BPNT2: variants seen among roughly 807,000 people sequenced by gnomAD.
BPNT2 encodes Golgi-resident adenosine 3',5'-bisphosphate 3'-phosphatase.
BPNT2 carries 11 observed loss-of-function variants against 29.3 expected under a neutral mutation model. The ratio of observed to expected loss-of-function variants is 0.38; its 90% CI spans 0.24 to 0.62. The LOEUF (loss-of-function observed/expected upper bound fraction) is 0.62, where lower values mean the gene tolerates loss of function less well. Ranked by LOEUF, BPNT2 falls within the 20% of genes least tolerant of loss-of-function variation. The pLI, the probability that BPNT2 is intolerant of heterozygous loss-of-function variation, is 0.62. For synonymous variants in BPNT2, 195 were observed against 187.7 expected (o/e 1.04, Z -0.32); for missense variants, 459 against 473.4 (o/e 0.97, Z 0.28).
At chr8:56,987,583 G>A (rs894239004) in intron 1 of BPNT2, among the ~76,000 whole-genome samples, 1 of 152,026 alleles carries the variant, frequency 6.6e-6, no homozygotes, top group African/African-American at 2.4e-5. Flanking sequence ...TGCTTTCCTG[G>A]GTTTCCAGCT....
chr8:56,990,551 T>A (rs946420782), intron 1 of BPNT2, among the ~76,000 whole-genome samples: 1 of 152,058 alleles, frequency 6.6e-6, no homozygotes. Context: ...CTAGGTGAAA[T>A]CTGAGTTTTG....
chr8:56,975,169 G>A (rs1452955925), intron 3 of BPNT2, among the ~76,000 whole-genome samples: 2 of 152,020 alleles, frequency 1.3e-5, no homozygotes, highest in African/African-American at 4.8e-5. Flanking sequence ...GAGAACCGTG[G>A]TAAATGAGAG....
In BPNT2 at chr8:56,959,082, T is replaced by C. The variant is rs1042730748; in HGVS notation, c.*4711A>G. On this transcript the variant is annotated 3_prime_UTR_variant, in exon 5 of 5. Transcript: ENST00000262644. Reference sequence around the variant, plus strand: ...GAATTTTAAGGGAACATATTACTAATCAAATAACACAGTTTATGCTTTTTC... The same window carrying C: ...GAATTTTAAGGGAACATATTACTAACCAAATAACACAGTTTATGCTTTTTC... 2 of 152,234 alleles carry C rather than the reference T, an allele frequency of 1.3e-5. No homozygotes were observed. The highest frequency in any genetic ancestry group is 4.8e-5 in the African/African-American group (2 of 41,456). 9.4% of individuals were successfully genotyped at this position (152,234 alleles called of 1,614,324 possible).
At chr8:56,970,478 TG>T (rs1279010418) in intron 3 of BPNT2, among the ~76,000 whole-genome samples, 5 of 152,074 alleles carry the variant, frequency 3.3e-5, no homozygotes, top group Non-Finnish European at 5.9e-5. Flanking sequence ...ATCAATGTCA[TG>T]GGGGGCATAA....
chr8:56,969,142 T>G (rs1020596876), intron 3 of BPNT2, among the ~76,000 whole-genome samples: 1 of 152,222 alleles, frequency 6.6e-6, no homozygotes, highest in Non-Finnish European at 1.5e-5. Context: ...GACTCCTTGA[T>G]ACCAGACTTC....
chr8:56,973,636 A>G (rs1806072996), intron 3 of BPNT2, among the ~76,000 whole-genome samples: 2 of 152,218 alleles, frequency 1.3e-5, no homozygotes, highest in Admixed American at 6.5e-5. Context: ...ACACCACACC[A>G]GAGGATTAAC....
intron 1 of BPNT2, among the ~76,000 whole-genome samples, chr8:56,980,594 G>C (rs1034005611): frequency 4.7e-5 from 7 of 150,276 alleles, no homozygotes; most frequent in African/African-American, 1.5e-4. Flanking sequence ...GAAGAAAGAC[G>C]TATCATAGAA....
chr8:56,990,761 G>C (rs1806404392), intron 1 of BPNT2, among the ~76,000 whole-genome samples: 1 of 151,948 alleles, frequency 6.6e-6, no homozygotes, highest in Admixed American at 6.6e-5. Flanking sequence ...TGTCAGTTAG[G>C]GGACAAAACT....
At chr8:56,992,738 C>T (rs11784432) in intron 1 of BPNT2, among the ~76,000 whole-genome samples, 19,015 of 147,552 alleles carry the variant, frequency 0.13, 1,435 homozygotes, top group East Asian at 0.18. Context: ...ACAAATGCCC[C>T]GCACACTAAC....
rs1388437099 is a variant in BPNT2, at chr8:56,993,595, A to G, written c.-10T>C. On this transcript the variant is annotated 5_prime_UTR_variant, in exon 1 of 5. Coordinates refer to ENST00000262644, the MANE Select transcript of BPNT2 (RefSeq NM_017813.5). ...TGCCCATGGGGGCCATGGCGTGGGA[A>G]GCCGGGCGCTCCGGGCTGCGGCTCT... The G allele has an allele frequency of 7.0e-7, 1 of 1,421,116 alleles. No individual in the cohort carries two copies. The highest frequency in any genetic ancestry group is 9.2e-7 in the Non-Finnish European group (1 of 1,082,426). 88.0% of individuals were successfully genotyped at this position (1,421,116 alleles called of 1,614,324 possible). A position where few individuals can be genotyped will look rare whatever the true frequency, so the allele number is the denominator to read the frequency against.
Position 56,960,522 on chromosome 8 carries a change from ATATAG to A in BPNT2, c.*3266_*3270del, listed in dbSNP as rs1024456980. ...ACCAAAATGTTTTTGTTACTTCATTATATAGTATAAACAATCAACTGAATAATTAC... is the reference window on the plus strand; with the variant it reads ...ACCAAAATGTTTTTGTTACTTCATTATATAAACAATCAACTGAATAATTAC... On this transcript the variant is annotated 3_prime_UTR_variant, in exon 5 of 5. Coordinates refer to ENST00000262644, the MANE Select transcript of BPNT2 (RefSeq NM_017813.5). 1.3e-5 allele frequency: 2 copies of A among 152,246 alleles called. No individual in the cohort carries two copies. Among genetic ancestry groups the A allele is most frequent in the South Asian group, 2.1e-4 (1 of 4,836 alleles). 9.4% of individuals were successfully genotyped at this position (152,246 alleles called of 1,614,324 possible).
intron 3 of BPNT2, among the ~76,000 whole-genome samples, chr8:56,968,865 G>A (rs1805989313): frequency 6.6e-6 from 1 of 152,198 alleles, no homozygotes; most frequent in South Asian, 2.1e-4. Context: ...AACTCATTTG[G>A]AAGCAGGATC....
intron 1 of BPNT2, among the ~76,000 whole-genome samples, chr8:56,991,697 T>C (rs1806418615): frequency 6.6e-6 from 1 of 152,200 alleles, no homozygotes. Flanking sequence ...TGAAGTCCTG[T>C]GTAGCCAGTA....
intron 1 of BPNT2, among the ~76,000 whole-genome samples, chr8:56,980,725 A>C (rs1806225687): frequency 6.6e-6 from 1 of 151,418 alleles, no homozygotes; most frequent in Non-Finnish European, 1.5e-5. Flanking sequence ...AGAGAAATAT[A>C]AGTAGAGGAA....
chr8:56,972,878 C>T (rs943455006), intron 3 of BPNT2, among the ~76,000 whole-genome samples: 1 of 151,512 alleles, frequency 6.6e-6, no homozygotes, highest in Non-Finnish European at 1.5e-5. Flanking sequence ...AAAAAGGGGC[C>T]ACAAAATACA....
intron 2 of BPNT2, 120 bp from the exon 3 acceptor site, chr8:56,978,265 C>T (rs1806179157): frequency 1.3e-6 from 1 of 741,756 alleles, no homozygotes; most frequent in African/African-American, 1.7e-5. Flanking sequence ...CTTTCCAAAA[C>T]AACAATCCCT....
chr8:56,984,729 C>T (rs1806301052), intron 1 of BPNT2, among the ~76,000 whole-genome samples: 2 of 152,214 alleles, frequency 1.3e-5, no homozygotes, highest in African/African-American at 4.8e-5. Flanking sequence ...TGCCATCTTC[C>T]TAAATCAGAC....
At chr8:56,966,460 T>TA in intron 3 of BPNT2, 108 bp from the exon 4 acceptor site, 1 of 931,460 alleles carries the variant, frequency 1.1e-6, no homozygotes, top group Admixed American at 2.0e-5. Context: ...AGCTCTCTTC[T>TA]AAAAAATTAT....
At chr8:56,984,720 G>A (rs183995095) in intron 1 of BPNT2, among the ~76,000 whole-genome samples, 1 of 152,226 alleles carries the variant, frequency 6.6e-6, no homozygotes, top group East Asian at 1.9e-4. Context: ...CCAGCAACCT[G>A]CCATCTTCCT....
Sources: gnomAD v4.1 joint callset for allele counts (sites outside exome capture counted in the v4.1 genomes callset) on GRCh38, gnomAD v4.1.1 for gene constraint, MANE v1.5 for transcripts, NCBI Gene and HGNC (gene_info 2026-07-23, HGNC 2026-07-21) for gene names.